Variants in BCAS3 observed in about 807,000 individuals in gnomAD.
BCAS3 encodes the protein BCAS4/BCAS3 fusion.
In BCAS3, 53 loss-of-function variants were observed where a neutral mutation model predicts 116.1. The observed-to-expected ratio is 0.46, with a 90% CI of 0.37 to 0.57. The LOEUF is 0.57. Ranked by LOEUF, BCAS3 falls within the 20% of genes least tolerant of loss-of-function variation. BCAS3 has a pLI of 0.00. For missense variants in BCAS3, 917 were observed against 1,165.4 expected, an observed-to-expected ratio of 0.79 and a Z score of 3.10; for synonymous variants, 391 against 408.2, an observed-to-expected ratio of 0.96 and a Z score of 0.51.
chr17:60,937,067 T>G (rs1396479215), intron 13 of BCAS3, among the ~76,000 whole-genome samples: 1 of 152,202 alleles, frequency 6.6e-6, no homozygotes, highest in Non-Finnish European at 1.5e-5. Context: ...CAGTTTCAGC[T>G]TTCTACATAT....
intron 21 of BCAS3, among the ~76,000 whole-genome samples, chr17:61,079,302 A>T (rs768781091): frequency 6.6e-6 from 1 of 152,214 alleles, no homozygotes; most frequent in African/African-American, 2.4e-5. Context: ...CACCTTTTAA[A>T]AAATAGTGGG....
intron 10 of BCAS3, among the ~76,000 whole-genome samples, chr17:60,899,717 C>CT (rs956843539): frequency 6.6e-6 from 1 of 151,992 alleles, no homozygotes; most frequent in African/African-American, 2.4e-5. Flanking sequence ...AAGCTGGTCT[C>CT]TAACTCCTGA....
intron 6 of BCAS3, among the ~76,000 whole-genome samples, chr17:60,785,083 A>G (rs964913050): frequency 2.0e-5 from 3 of 152,180 alleles, no homozygotes; most frequent in African/African-American, 4.8e-5. Flanking sequence ...TGGGCAACAG[A>G]GCGAGACTCC....
At chr17:61,147,265 G>A (rs912627634) in intron 22 of BCAS3, among the ~76,000 whole-genome samples, 5 of 151,806 alleles carry the variant, frequency 3.3e-5, no homozygotes, top group Non-Finnish European at 5.9e-5. Flanking sequence ...TAGTAGAGAC[G>A]GGGTTTCTCC....
chr17:61,264,331 G>GA (rs1302593356), intron 22 of BCAS3, among the ~76,000 whole-genome samples: 4 of 149,986 alleles, frequency 2.7e-5, no homozygotes, highest in South Asian at 2.1e-4. Flanking sequence ...AAAAGCAGCT[G>GA]AAAAAAATCA....
intron 13 of BCAS3, among the ~76,000 whole-genome samples, chr17:60,935,521 T>C (rs1241915543): frequency 6.6e-6 from 1 of 152,118 alleles, no homozygotes; most frequent in African/African-American, 2.4e-5. Flanking sequence ...CCATTTTTCT[T>C]ATATATACTT....
In BCAS3 at chr17:61,139,372, T is replaced by G. The variant is rs142606948; in HGVS notation, c.2425+54808T>G. Among the ~76,000 whole-genome samples, 446 of 152,292 alleles carry G rather than the reference T, an allele frequency of 2.9e-3. 1 individual carries two copies. The highest frequency in any genetic ancestry group is 4.5e-3 in the Non-Finnish European group (303 of 68,018). On this transcript the variant is annotated intron_variant, in intron 22 of 23. Transcript: ENST00000407086. This position sits in a 1 kb window ranked among gnomAD's most constrained non-coding sequence, Gnocchi z 4.7. ...GCCAAACGAGGTTCACAAATGCTGTTTTCATATTTGTGGTTTTGGTGTTTC... is the reference window on the plus strand; with the variant it reads ...GCCAAACGAGGTTCACAAATGCTGTGTTCATATTTGTGGTTTTGGTGTTTC...
chr17:60,947,173 C>T (rs2060547876), intron 13 of BCAS3, 46 bp from the exon 14 acceptor site: 3 of 1,541,302 alleles, frequency 1.9e-6, no homozygotes, highest in East Asian at 2.2e-5. Flanking sequence ...ATTTCATCCA[C>T]ATACATAATC....
intron 14 of BCAS3, among the ~76,000 whole-genome samples, chr17:60,952,666 T>C (rs1163115582): frequency 6.6e-6 from 1 of 152,106 alleles, no homozygotes; most frequent in Non-Finnish European, 1.5e-5. Flanking sequence ...GTTTATTATG[T>C]AGGTATATTC....
At chr17:61,045,823 T>TTCTCTCTCTCTCTCTCTCTC (rs1182475386) in intron 19 of BCAS3, among the ~76,000 whole-genome samples, 674 of 34,568 alleles carry the variant, frequency 0.019, 19 homozygotes, top group Non-Finnish European at 0.021. Context: ...TCATCTCTCT[T>TTCTCTCTCTCTCTCTCTCTC]TCTCTCTCTC....
intron 9 of BCAS3, among the ~76,000 whole-genome samples, chr17:60,875,630 ATG>A (rs2055531879): frequency 2.0e-5 from 3 of 152,058 alleles, no homozygotes; most frequent in Admixed American, 2.0e-4. Flanking sequence ...TGCAGAAAAA[ATG>A]TGTTTTTAGT....
At chr17:61,195,806 T>G (rs2080444683) in intron 22 of BCAS3, among the ~76,000 whole-genome samples, 1 of 152,222 alleles carries the variant, frequency 6.6e-6, no homozygotes, top group African/African-American at 2.4e-5. Context: ...TTCCAGTTAA[T>G]TGTGACTACA....
intron 22 of BCAS3, among the ~76,000 whole-genome samples, chr17:61,247,927 G>C (rs1304041590): frequency 6.6e-6 from 1 of 152,200 alleles, no homozygotes; most frequent in Non-Finnish European, 1.5e-5. Context: ...AATGTTAGAA[G>C]AGCAGCCGCA....
At chr17:61,267,666 G>A (rs2049856923) in intron 22 of BCAS3, among the ~76,000 whole-genome samples, 2 of 148,694 alleles carry the variant, frequency 1.3e-5, no homozygotes, top group South Asian at 2.1e-4. Context: ...CAGGCAGAAT[G>A]AGCCAAGATC....
rs1568197459 is a variant in BCAS3 at position 61,041,915 on chromosome 17, A to G, written c.2029+1023A>G. On this transcript the variant is annotated intron_variant, in intron 19 of 23. Transcript: ENST00000407086. The surrounding 1 kb of genome is among the most constrained non-coding windows in gnomAD (Gnocchi z 4.7). ...CAGTTCTGATTTAAAGGTGATTAGT[A>G]TATTGCTTCTCTCCTCAATGAATTC... 6.6e-6 allele frequency among the ~76,000 whole-genome samples: 1 copy of G among 152,052 alleles called. No homozygotes were observed.
intron 15 of BCAS3, among the ~76,000 whole-genome samples, chr17:61,006,207 G>A (rs1020786367): frequency 2.0e-5 from 3 of 151,902 alleles, no homozygotes; most frequent in Non-Finnish European, 4.4e-5. Context: ...AAAATGCTTC[G>A]ATTTTATATT....
Position 61,368,166 on chromosome 17 carries a change from C to T in BCAS3, c.2426-161C>T. ...GTCTGCACTCTCTCAGCGGCATGAG[C>T]TATTTCTCCTGCGCTACCCAGTCTG... is the stretch of plus-strand genomic sequence containing the variant. On this transcript the variant is annotated intron_variant, in intron 22 of 23. Coordinates refer to ENST00000407086, the MANE Select transcript of BCAS3 (RefSeq NM_017679.5). The surrounding 1 kb of genome is among the most constrained non-coding windows in gnomAD (Gnocchi z 6.0). 1.6e-6 allele frequency: 1 copy of T among 638,728 alleles called. No individual in the cohort carries two copies. The highest frequency in any genetic ancestry group is 2.6e-6 in the Non-Finnish European group (1 of 388,874). The allele number at this position is 638,728 out of a possible 1,614,324, so 39.6% of individuals were successfully genotyped here.
chr17:61,261,606 CAT>C lies in BCAS3; in HGVS notation c.2426-106720_2426-106719del, dbSNP rs935285715. 6.6e-6 allele frequency among the ~76,000 whole-genome samples: 1 copy of C among 152,176 alleles called. No individual in the cohort carries two copies. Among genetic ancestry groups the C allele is most frequent in the Non-Finnish European group, 1.5e-5 (1 of 68,036 alleles). On this transcript the variant is annotated intron_variant, in intron 22 of 23. Transcript: ENST00000407086. This position sits in a 1 kb window ranked among gnomAD's most constrained non-coding sequence, Gnocchi z 4.4. ...AGTTTCAAAAGCTAAAATGGTAAAT[CAT>C]GTGGTGTTTGATGTGACCATCTCCA...
At chr17:61,067,273 G>GTGTGTGTGTATATATA (rs1251223420) in intron 19 of BCAS3, among the ~76,000 whole-genome samples, 5 of 58,800 alleles carry the variant, frequency 8.5e-5, no homozygotes, top group African/African-American at 4.3e-4. Context: ...GTGTGTATGT[G>GTGTGTGTGTATATATA]TATATATATA....
Sources: allele counts gnomAD v4.1 joint callset (sites outside exome capture counted in the v4.1 genomes callset), GRCh38; gene constraint gnomAD v4.1.1; non-coding constraint Gnocchi (gnomAD v3.1); transcripts MANE v1.5; gene names NCBI Gene and HGNC (gene_info 2026-07-23, HGNC 2026-07-21).